The following GRID1 variants were observed in gnomAD, a reference collection of about 807,000 sequenced individuals.
The protein encoded by GRID1 is glutamate ionotropic receptor delta type subunit 1, also known as glutamate receptor ionotropic, delta-1.
Under a neutral mutation model 98.0 loss-of-function variants are expected in GRID1, and 28 were observed. The ratio of observed to expected loss-of-function variants is 0.29; its 90% CI spans 0.21 to 0.39. The LOEUF (loss-of-function observed/expected upper bound fraction) is 0.39. GRID1 is among the 10% of genes least tolerant of loss of function. The pLI is 1.00. For missense variants in GRID1, 1,111 were observed against 1,340.5 expected (o/e 0.83, Z 2.67); for synonymous variants, 553 against 538.5 (o/e 1.03, Z -0.37).
rs1589465394 is a variant in GRID1 at position 86,366,528 on chromosome 10, C to A, written c.-136G>T. ...GAGCCCGCCCGTGCGTCTTCCCCCG[C>A]GCGCCCGCCCCTGCGCCCTGCGCCC... is the stretch of plus-strand genomic sequence containing the variant. On this transcript the variant is annotated 5_prime_UTR_variant, in exon 1 of 16. Transcript: ENST00000327946. This position sits in a 1 kb window ranked among gnomAD's most constrained non-coding sequence, Gnocchi z 4.1. 2.5e-6 allele frequency: 1 copy of A among 402,220 alleles called. No homozygotes were observed. The highest frequency in any genetic ancestry group is 9.6e-5 in the South Asian group (1 of 10,374). The allele number at this position is 402,220 out of a possible 1,614,324, so 24.9% of individuals were successfully genotyped here. A position where few individuals can be genotyped will look rare whatever the true frequency, so the allele number is the denominator to read the frequency against.
intron 4 of GRID1, among the ~76,000 whole-genome samples, chr10:86,099,853 G>A (rs1358878251): frequency 1.3e-5 from 2 of 152,158 alleles, no homozygotes; most frequent in Non-Finnish European, 2.9e-5. Flanking sequence ...GCACAGGACA[G>A]CCCTCAGTGT....
chr10:86,276,490 A>G (rs1564726519), intron 2 of GRID1, among the ~76,000 whole-genome samples: 1 of 151,426 alleles, frequency 6.6e-6, no homozygotes, highest in Non-Finnish European at 1.5e-5. Flanking sequence ...TCAACACTTG[A>G]TACTCAATAC....
intron 4 of GRID1, among the ~76,000 whole-genome samples, chr10:86,013,643 T>C (rs1842945599): frequency 6.6e-6 from 1 of 152,222 alleles, no homozygotes; most frequent in Non-Finnish European, 1.5e-5. Flanking sequence ...ACCTTCACTA[T>C]CCTTCCTGAG....
At chr10:85,928,808 C>T (rs1841811031) in intron 4 of GRID1, among the ~76,000 whole-genome samples, 1 of 152,228 alleles carries the variant, frequency 6.6e-6, no homozygotes, top group Admixed American at 6.5e-5. Flanking sequence ...CACTGCTCTA[C>T]ACAAACCATT....
In GRID1 at chr10:85,981,824, C is replaced by T. The variant is rs143642596; in HGVS notation, c.727-65585G>A. 5.6e-4 allele frequency among the ~76,000 whole-genome samples: 85 copies of T among 152,300 alleles called. 1 individual carries two copies. The highest frequency in any genetic ancestry group is 2.0e-3 in the African/African-American group (82 of 41,552). On this transcript the variant is annotated intron_variant, in intron 4 of 15. Coordinates refer to ENST00000327946, the MANE Select transcript of GRID1 (RefSeq NM_017551.3). ...TTTTGTTACAAATGCCAACCACCCA[C>T]TTAACATATGAAACAATGTCAAGTC...
intron 2 of GRID1, among the ~76,000 whole-genome samples, chr10:86,269,228 T>G (rs954343959): frequency 6.6e-6 from 1 of 152,210 alleles, no homozygotes; most frequent in African/African-American, 2.4e-5. Flanking sequence ...GTGGCTAACC[T>G]TTGATTAGCT....
At chr10:86,223,793 C>T (rs551753000) in intron 2 of GRID1, among the ~76,000 whole-genome samples, 5 of 152,264 alleles carry the variant, frequency 3.3e-5, no homozygotes, top group Admixed American at 1.3e-4. Flanking sequence ...CTATCACAGA[C>T]GAAGGACCAG....
chr10:86,205,562 G>A (rs1846014186), intron 3 of GRID1, among the ~76,000 whole-genome samples: 1 of 152,230 alleles, frequency 6.6e-6, no homozygotes. Context: ...CAGCTATGCA[G>A]GATGTTACTG....
At chr10:85,947,041 C>T (rs1217267514) in intron 4 of GRID1, among the ~76,000 whole-genome samples, 1 of 152,164 alleles carries the variant, frequency 6.6e-6, no homozygotes, top group Non-Finnish European at 1.5e-5. Context: ...CCAGGGCAGT[C>T]CCCACCAGCA....
intron 8 of GRID1, among the ~76,000 whole-genome samples, chr10:85,779,548 C>T (rs1484672208): frequency 2.0e-5 from 3 of 151,944 alleles, no homozygotes; most frequent in Non-Finnish European, 4.4e-5. Flanking sequence ...TCAGAAAGGA[C>T]AGGCTCAACT....
At chr10:85,870,917 G>A (rs1274425215) in intron 5 of GRID1, among the ~76,000 whole-genome samples, 1 of 152,098 alleles carries the variant, frequency 6.6e-6, no homozygotes, top group African/African-American at 2.4e-5. Context: ...GCTCAAACAA[G>A]CCATAGATTT....
chr10:86,282,544 G>GA (rs1847371207), intron 2 of GRID1, among the ~76,000 whole-genome samples: 1 of 151,878 alleles, frequency 6.6e-6, no homozygotes, highest in African/African-American at 2.4e-5. Context: ...ATCAGCCCAG[G>GA]AAAAAAAGGG....
At position 86,131,558 on chromosome 10, in the gene GRID1, CCAGA is replaced by C. The variant is rs1844839067; in HGVS notation, c.726+7257_726+7260del. Among the ~76,000 whole-genome samples, 6 of 152,214 alleles carry C rather than the reference CCAGA, an allele frequency of 3.9e-5. No homozygotes were observed. The South Asian group carries it at 1.2e-3, about 32-fold the overall frequency. On this transcript the variant is annotated intron_variant, in intron 4 of 15. Transcript: ENST00000327946. ...TTCTCTTTGACCCCAGACAGGCCTC[CCAGA>C]CAGTCTCTGTAAGGCTTTCAGCACC...
intron 4 of GRID1, among the ~76,000 whole-genome samples, chr10:86,103,833 C>T (rs774356088): frequency 3.5e-4 from 53 of 152,272 alleles, no homozygotes; most frequent in East Asian, 1.9e-4. Context: ...AGAATCATTA[C>T]TAACCACTGT....
rs1026356279 is a variant in GRID1 at position 85,854,928 on chromosome 10, T to C, written c.1114-313A>G. Reference sequence around the variant, plus strand: ...TGAGATTAAACATTGGTAGCTTTTGTTCCTGCCCTCTTGAAGCTTAGTCCT... The same window carrying C: ...TGAGATTAAACATTGGTAGCTTTTGCTCCTGCCCTCTTGAAGCTTAGTCCT... On this transcript the variant is annotated intron_variant, in intron 7 of 15. Transcript: ENST00000327946. 5.9e-5 allele frequency among the ~76,000 whole-genome samples: 9 copies of C among 152,244 alleles called. No individual in the cohort carries two copies. The East Asian group carries it at 1.7e-3, about 29-fold the overall frequency.
intron 4 of GRID1, among the ~76,000 whole-genome samples, chr10:86,035,455 T>C (rs1020472986): frequency 6.6e-6 from 1 of 152,174 alleles, no homozygotes; most frequent in African/African-American, 2.4e-5. Flanking sequence ...GCATGGATGG[T>C]AGAGAGTGTG....
At chr10:85,868,682 C>A (rs1843246542) in intron 6 of GRID1, among the ~76,000 whole-genome samples, 2 of 152,172 alleles carry the variant, frequency 1.3e-5, no homozygotes, top group African/African-American at 4.8e-5. Flanking sequence ...AAGACTCCAC[C>A]CCCAGCCCTG....
intron 5 of GRID1, among the ~76,000 whole-genome samples, chr10:85,882,153 G>C (rs1377346685): frequency 6.6e-6 from 1 of 152,134 alleles, no homozygotes; most frequent in African/African-American, 2.4e-5. Context: ...GGAGAAATAG[G>C]AACACTTTTA....
chr10:85,777,103 A>G (rs1031783249), intron 8 of GRID1, among the ~76,000 whole-genome samples: 1 of 152,106 alleles, frequency 6.6e-6, no homozygotes, highest in African/African-American at 2.4e-5. Flanking sequence ...TTCCTCTCTA[A>G]TTCTCCAACC....
Sources: allele counts gnomAD v4.1 joint callset (sites outside exome capture counted in the v4.1 genomes callset), GRCh38; gene constraint gnomAD v4.1.1; non-coding constraint Gnocchi (gnomAD v3.1); transcripts MANE v1.5; gene names NCBI Gene and HGNC (gene_info 2026-07-23, HGNC 2026-07-21).